The following NLGN1 variants were observed in gnomAD, a reference collection of about 807,000 sequenced individuals.
NLGN1 encodes the protein neuroligin 1.
A neutral mutation model predicts 65.5 loss-of-function variants in NLGN1; 12 were observed. The ratio of observed to expected loss-of-function variants is 0.18; its 90% CI spans 0.12 to 0.30. The LOEUF is 0.30. Among genes scored for constraint, NLGN1 ranks in the 10% least tolerant of loss-of-function variants. The pLI, the probability that NLGN1 is intolerant of heterozygous loss-of-function variation, is 1.00. For missense variants in NLGN1, 750 were observed against 1,007.1 expected, an observed-to-expected ratio of 0.74 and a Z score of 3.46; for synonymous variants, 350 against 359.5, an observed-to-expected ratio of 0.97 and a Z score of 0.30.
chr3:174,261,148 G>A lies in NLGN1; in HGVS notation c.647-14167G>A, dbSNP rs551421795. ...CCTCCAGCTTTGTTCTTTTGGCTTA[G>A]GATTGCCTTGGCGATGCAGGCTCTT... On this transcript the variant is annotated intron_variant, in intron 4 of 6. Transcript: ENST00000457714. Among the ~76,000 whole-genome samples, 702 of 152,246 alleles carry A rather than the reference G, an allele frequency of 4.6e-3. 6 individuals carry two copies. Among genetic ancestry groups the A allele is most frequent in the African/African-American group, 0.016 (664 of 41,554 alleles).
At chr3:173,731,872 T>C (rs1013969416) in intron 3 of NLGN1, among the ~76,000 whole-genome samples, 4 of 152,074 alleles carry the variant, frequency 2.6e-5, no homozygotes, top group African/African-American at 9.7e-5. Context: ...AAGACATTTT[T>C]TGTAAAGAAC....
chr3:174,063,030 C>T (rs1737741752), intron 4 of NLGN1, among the ~76,000 whole-genome samples: 1 of 152,034 alleles, frequency 6.6e-6, no homozygotes, highest in Admixed American at 6.6e-5. Context: ...AAAGTTTCCT[C>T]TGAAAGAAAA....
At chr3:174,275,201 A>G (rs1750316345) in intron 4 of NLGN1, 114 bp from the exon 5 acceptor site, 2 of 706,210 alleles carry the variant, frequency 2.8e-6, no homozygotes, top group Non-Finnish European at 4.8e-6. Context: ...AATTTTTACT[A>G]ATGAACTTGG....
chr3:173,962,279 G>T (rs1483193506), intron 4 of NLGN1, among the ~76,000 whole-genome samples: 1 of 152,146 alleles, frequency 6.6e-6, no homozygotes, highest in South Asian at 2.1e-4. Context: ...GTCTTCAGAC[G>T]CATTTTGAAA....
At chr3:173,459,811 T>C (rs953105369) in intron 2 of NLGN1, among the ~76,000 whole-genome samples, 1 of 152,096 alleles carries the variant, frequency 6.6e-6, no homozygotes, top group Non-Finnish European at 1.5e-5. Flanking sequence ...TGCAGTTAAA[T>C]ACTATAATAG....
chr3:173,833,408 T>G (rs1245931477), intron 4 of NLGN1, among the ~76,000 whole-genome samples: 1 of 152,246 alleles, frequency 6.6e-6, no homozygotes, highest in Non-Finnish European at 1.5e-5. Flanking sequence ...TGTTGGTTTT[T>G]AAAATTATAT....
At chr3:173,399,375 C>G (rs1577274020) in intron 1 of NLGN1, among the ~76,000 whole-genome samples, 1 of 152,208 alleles carries the variant, frequency 6.6e-6, no homozygotes, top group African/African-American at 2.4e-5. Flanking sequence ...TAGTTCCCGT[C>G]CTTCCCATTG....
intron 2 of NLGN1, among the ~76,000 whole-genome samples, chr3:173,446,815 C>T (rs972198494): frequency 4.6e-5 from 7 of 152,126 alleles, no homozygotes; most frequent in Non-Finnish European, 1.0e-4. Flanking sequence ...TGATGGCCAG[C>T]GAGGATGAAC....
upstream of NLGN1, chr3:173,396,284 C>G (rs892956908): frequency 1.3e-5 from 2 of 152,134 alleles, no homozygotes; most frequent in Middle Eastern, 6.3e-3. Context: ...TAAATCTTCT[C>G]GGAAATTCTG....
intron 2 of NLGN1, among the ~76,000 whole-genome samples, chr3:173,583,090 T>C (rs550073561): frequency 6.6e-6 from 1 of 152,332 alleles, no homozygotes; most frequent in South Asian, 2.1e-4. Flanking sequence ...TGGACTAGTT[T>C]CTAGCCCTGA....
intron 4 of NLGN1, among the ~76,000 whole-genome samples, chr3:173,981,302 T>C (rs1398194967): frequency 6.6e-6 from 1 of 152,182 alleles, no homozygotes; most frequent in Non-Finnish European, 1.5e-5. Flanking sequence ...ATTTTATTTT[T>C]CTCATCCTCC....
chr3:174,102,262 TG>T (rs935675952), intron 4 of NLGN1, among the ~76,000 whole-genome samples: 4 of 152,026 alleles, frequency 2.6e-5, no homozygotes, highest in Admixed American at 2.0e-4. Context: ...CATTCACACA[TG>T]GGGGGGTATA....
chr3:173,464,662 C>T (rs545732645), intron 2 of NLGN1, among the ~76,000 whole-genome samples: 50 of 151,956 alleles, frequency 3.3e-4, no homozygotes, highest in African/African-American at 1.1e-3. Flanking sequence ...CTCGAACTCC[C>T]GACCTTAGGT....
At chr3:173,520,055 A>C (rs879020593) in intron 2 of NLGN1, among the ~76,000 whole-genome samples, 4 of 152,020 alleles carry the variant, frequency 2.6e-5, no homozygotes, top group Non-Finnish European at 5.9e-5. Flanking sequence ...GGTTGTTTAA[A>C]AGTGTGTAGC....
At chr3:173,992,653 T>G (rs1419213991) in intron 4 of NLGN1, among the ~76,000 whole-genome samples, 1 of 152,210 alleles carries the variant, frequency 6.6e-6, no homozygotes, top group Admixed American at 6.5e-5. Context: ...TGACTTTTCA[T>G]GCTGAACTGT....
chr3:173,403,488 A>G (rs1427328193), intron 1 of NLGN1, among the ~76,000 whole-genome samples: 2 of 152,122 alleles, frequency 1.3e-5, no homozygotes, highest in African/African-American at 4.8e-5. Flanking sequence ...TTGCACAAAT[A>G]AAAATTACTT....
At chr3:173,676,658 T>G (rs1648098537) in intron 3 of NLGN1, among the ~76,000 whole-genome samples, 2 of 152,150 alleles carry the variant, frequency 1.3e-5, no homozygotes, top group Non-Finnish European at 1.5e-5. Context: ...GTATTCTAAT[T>G]TTTATTGGGA....
chr3:174,126,524 T>G (rs1718974837), intron 4 of NLGN1, among the ~76,000 whole-genome samples: 1 of 152,154 alleles, frequency 6.6e-6, no homozygotes, highest in Non-Finnish European at 1.5e-5. Context: ...TTTATGTAAC[T>G]TAATTGTTAG....
At chr3:173,567,262 C>T (rs1422888647) in intron 2 of NLGN1, among the ~76,000 whole-genome samples, 1 of 152,004 alleles carries the variant, frequency 6.6e-6, no homozygotes, top group East Asian at 1.9e-4. Context: ...GCAGATTCAC[C>T]AAGTTCAAGA....
Sources: gnomAD v4.1 joint callset for allele counts (sites outside exome capture counted in the v4.1 genomes callset) on GRCh38, gnomAD v4.1.1 for gene constraint, MANE v1.5 for transcripts, NCBI Gene and HGNC (gene_info 2026-07-23, HGNC 2026-07-21) for gene names.